The following STAG1 variants were observed in gnomAD, a reference collection of about 807,000 sequenced individuals.
STAG1 encodes the protein cohesin subunit SA-1.
A neutral mutation model predicts 170.9 loss-of-function variants in STAG1; 26 were observed. The observed-to-expected ratio is 0.15, with a 90% CI of 0.11 to 0.21. The LOEUF (loss-of-function observed/expected upper bound fraction) is 0.21, where lower values mean the gene tolerates loss of function less well. Among genes scored for constraint, STAG1 ranks in the 10% least tolerant of loss-of-function variants. STAG1 has a pLI of 1.00. For missense variants in STAG1, 964 were observed against 1,509.5 expected, an observed-to-expected ratio of 0.64 and a Z score of 5.99; for synonymous variants, 514 against 497.7, an observed-to-expected ratio of 1.03 and a Z score of -0.44.
chr3:136,456,974 C>CA (rs2089130363), intron 13 of STAG1, among the ~76,000 whole-genome samples: 1 of 152,182 alleles, frequency 6.6e-6, no homozygotes, highest in Non-Finnish European at 1.5e-5. Flanking sequence ...GGGAATTCAT[C>CA]AACACCAGAG....
At chr3:136,642,006 G>A in intron 1 of STAG1, among the ~76,000 whole-genome samples, 1 of 152,030 alleles carries the variant, frequency 6.6e-6, no homozygotes, top group Non-Finnish European at 1.5e-5. Context: ...AAAGAGGTGA[G>A]GTACTTTACC....
At chr3:136,620,823 A>G (rs1266485923) in intron 3 of STAG1, among the ~76,000 whole-genome samples, 2 of 152,240 alleles carry the variant, frequency 1.3e-5, no homozygotes, top group African/African-American at 4.8e-5. Context: ...TGGCATGAAC[A>G]TGCACTATTT....
chr3:136,517,157 T>A (rs935657340), intron 7 of STAG1, among the ~76,000 whole-genome samples: 3 of 152,224 alleles, frequency 2.0e-5, no homozygotes, highest in Non-Finnish European at 4.4e-5. Context: ...CTCAGGAGTC[T>A]GAGAGTGACT....
chr3:136,404,351 G>A (rs2107701441), intron 21 of STAG1, among the ~76,000 whole-genome samples: 1 of 152,172 alleles, frequency 6.6e-6, no homozygotes, highest in South Asian at 2.1e-4. Context: ...TTCCTAGGAG[G>A]AAACGCTAAT....
At chr3:136,564,071 T>C (rs1936960458) in intron 5 of STAG1, among the ~76,000 whole-genome samples, 2 of 152,102 alleles carry the variant, frequency 1.3e-5, no homozygotes, top group African/African-American at 4.8e-5. Context: ...GACATCTTCC[T>C]CATTCTTTTT....
intron 5 of STAG1, among the ~76,000 whole-genome samples, chr3:136,565,357 T>C (rs1368348844): frequency 6.6e-6 from 1 of 152,148 alleles, no homozygotes; most frequent in Non-Finnish European, 1.5e-5. Context: ...AATTTTAAAA[T>C]GAGCAAAGGA....
intron 1 of STAG1, among the ~76,000 whole-genome samples, chr3:136,733,006 AG>A (rs147972225): frequency 4.2e-4 from 64 of 152,154 alleles, no homozygotes; most frequent in Non-Finnish European, 7.1e-4. Flanking sequence ...GCATTTACTT[AG>A]ATTACGATAT....
chr3:136,418,156 C>G (rs1343520456), intron 20 of STAG1, among the ~76,000 whole-genome samples, 184 bp from the exon 21 acceptor site: 1 of 151,918 alleles, frequency 6.6e-6, no homozygotes, highest in East Asian at 1.9e-4. Flanking sequence ...GAGTTCGAGA[C>G]CAGCCTGGCC....
intron 3 of STAG1, chr3:136,609,592 A>C (rs773995679): frequency 6.5e-6 from 1 of 153,044 alleles, no homozygotes; most frequent in Non-Finnish European, 1.5e-5. Flanking sequence ...GGAGAAAAAG[A>C]AGCCAAGTCT....
intron 15 of STAG1, among the ~76,000 whole-genome samples, chr3:136,437,429 CACTG>C (rs2088491032): frequency 6.6e-6 from 1 of 152,196 alleles, no homozygotes; most frequent in Non-Finnish European, 1.5e-5. Context: ...CAAACAGCCA[CACTG>C]ACTGAAACAA....
intron 21 of STAG1, among the ~76,000 whole-genome samples, chr3:136,402,947 C>T (rs558533477): frequency 6.6e-6 from 1 of 151,384 alleles, no homozygotes; most frequent in African/African-American, 2.4e-5. Context: ...ATGACCTGGT[C>T]CTGGGTGCAG....
intron 9 of STAG1, among the ~76,000 whole-genome samples, chr3:136,478,070 G>T (rs1332900252): frequency 6.6e-6 from 1 of 152,132 alleles, no homozygotes; most frequent in South Asian, 2.1e-4. Flanking sequence ...GATTACACGC[G>T]TGAGCCACTG....
intron 21 of STAG1, among the ~76,000 whole-genome samples, chr3:136,410,387 GA>G (rs2087592837): frequency 1.3e-5 from 2 of 151,996 alleles, no homozygotes; most frequent in Non-Finnish European, 2.9e-5. Context: ...CTGGGCAACA[GA>G]GCAAGACTCT....
intron 16 of STAG1, among the ~76,000 whole-genome samples, chr3:136,428,381 T>C (rs1367197791): frequency 6.6e-6 from 1 of 152,190 alleles, no homozygotes; most frequent in African/African-American, 2.4e-5. Flanking sequence ...GGAAGTACCT[T>C]GCCAGTAAGG....
intron 1 of STAG1, among the ~76,000 whole-genome samples, chr3:136,680,394 G>T (rs944475351): frequency 3.9e-5 from 6 of 152,084 alleles, no homozygotes; most frequent in Non-Finnish European, 8.8e-5. Flanking sequence ...TCACATAAAG[G>T]CCTATATAAG....
intron 7 of STAG1, among the ~76,000 whole-genome samples, chr3:136,520,355 T>TTA (rs1319431772): frequency 6.6e-6 from 1 of 152,102 alleles, no homozygotes; most frequent in Non-Finnish European, 1.5e-5. Context: ...ATGTAACTAA[T>TTA]GAGTCTAAAT....
At chr3:136,455,874 G>C (rs376982539) in intron 13 of STAG1, among the ~76,000 whole-genome samples, 47 of 152,204 alleles carry the variant, frequency 3.1e-4, no homozygotes, top group African/African-American at 8.7e-4. Context: ...TAGTTCCAGG[G>C]AAGTGTTTAA....
At chr3:136,502,420 A>C (rs946700082) in intron 8 of STAG1, among the ~76,000 whole-genome samples, 8 of 152,164 alleles carry the variant, frequency 5.3e-5, no homozygotes, top group African/African-American at 1.9e-4. Context: ...TCTTTCAAAA[A>C]CAGAGGTGTT....
chr3:136,391,493 C>T (rs2087010494), intron 22 of STAG1, among the ~76,000 whole-genome samples: 1 of 151,620 alleles, frequency 6.6e-6, no homozygotes, highest in Admixed American at 6.6e-5. Flanking sequence ...TCTCCTGCCT[C>T]AGCCTCCCAA....
Sources: allele counts gnomAD v4.1 joint callset (sites outside exome capture counted in the v4.1 genomes callset), GRCh38; gene constraint gnomAD v4.1.1; transcripts MANE v1.5; gene names NCBI Gene and HGNC (gene_info 2026-07-23, HGNC 2026-07-21).